MCTP1: variants seen among roughly 807,000 people sequenced by gnomAD.
MCTP1 encodes multiple C2 and transmembrane domain-containing protein 1.
A neutral mutation model predicts 120.6 loss-of-function variants in MCTP1; 69 were observed. That is an observed-to-expected ratio of 0.57 (90% CI 0.47 to 0.70). MCTP1 has a LOEUF of 0.70. MCTP1 is among the 30% of genes least tolerant of loss of function. The pLI, the probability that MCTP1 is intolerant of heterozygous loss-of-function variation, is 0.00. For synonymous variants in MCTP1, 529 were observed against 493.1 expected, an observed-to-expected ratio of 1.07 and a Z score of -0.96; for missense variants, 1,203 against 1,248.8, an observed-to-expected ratio of 0.96 and a Z score of 0.55.
intron 1 of MCTP1, among the ~76,000 whole-genome samples, chr5:95,130,374 C>G (rs960916939): frequency 2.0e-5 from 3 of 152,174 alleles, no homozygotes; most frequent in Admixed American, 2.0e-4. Context: ...TTCGTTTCCA[C>G]TGACAAGAGA....
chr5:94,850,976 G>C (rs1793570441), intron 17 of MCTP1, among the ~76,000 whole-genome samples: 1 of 152,018 alleles, frequency 6.6e-6, no homozygotes, highest in African/African-American at 2.4e-5. Context: ...TCAATATTTA[G>C]AGTAATTTAG....
chr5:95,228,617 C>T (rs939883150), intron 1 of MCTP1, among the ~76,000 whole-genome samples: 1 of 152,134 alleles, frequency 6.6e-6, no homozygotes, highest in African/African-American at 2.4e-5. Flanking sequence ...GGATCTGTGT[C>T]TTTCTCCACC....
intron 17 of MCTP1, among the ~76,000 whole-genome samples, chr5:94,819,114 T>C (rs1657532): frequency 0.031 from 1,619 of 52,150 alleles, 27 homozygotes; most frequent in East Asian, 0.13. Flanking sequence ...TTTATTTATT[T>C]ATTTATTCAT....
At chr5:94,800,167 C>A (rs1780914003) in intron 17 of MCTP1, among the ~76,000 whole-genome samples, 1 of 152,162 alleles carries the variant, frequency 6.6e-6, no homozygotes, top group African/African-American at 2.4e-5. Context: ...GCTTGGTGTG[C>A]AGTAATTTCG....
At chr5:95,149,028 C>T (rs943078150) in intron 1 of MCTP1, among the ~76,000 whole-genome samples, 3 of 152,216 alleles carry the variant, frequency 2.0e-5, no homozygotes, top group Non-Finnish European at 2.9e-5. Flanking sequence ...CAGATAGGCT[C>T]TCACTGAGCT....
chr5:94,910,702 A>G (rs144740081), intron 9 of MCTP1, among the ~76,000 whole-genome samples: 4 of 152,346 alleles, frequency 2.6e-5, no homozygotes, highest in African/African-American at 9.6e-5. Flanking sequence ...TAATGTTTTT[A>G]GCCTAACTAG....
At chr5:94,883,310 C>T (rs1800529068) in intron 12 of MCTP1, among the ~76,000 whole-genome samples, 1 of 152,070 alleles carries the variant, frequency 6.6e-6, no homozygotes, top group Non-Finnish European at 1.5e-5. Context: ...TCTCATGGTA[C>T]ACTATCTGCT....
intron 1 of MCTP1, among the ~76,000 whole-genome samples, chr5:95,028,685 C>T (rs1279735760): frequency 2.0e-5 from 3 of 152,206 alleles, no homozygotes; most frequent in African/African-American, 7.2e-5. Context: ...AGATGGACCA[C>T]TCTCTTTTTA....
At chr5:94,978,760 AC>A (rs1452428451) in intron 2 of MCTP1, among the ~76,000 whole-genome samples, 5 of 152,138 alleles carry the variant, frequency 3.3e-5, no homozygotes, top group Non-Finnish European at 7.4e-5. Context: ...CAAGATGAAT[AC>A]GTTTTTGAGA....
At chr5:95,103,888 A>G (rs1377067888) in intron 1 of MCTP1, among the ~76,000 whole-genome samples, 1 of 152,118 alleles carries the variant, frequency 6.6e-6, no homozygotes, top group Non-Finnish European at 1.5e-5. Context: ...GACGGGGAGA[A>G]GCAGGAGGGT....
intron 17 of MCTP1, among the ~76,000 whole-genome samples, chr5:94,821,848 A>AAAATCCAT (rs1785730413): frequency 6.6e-6 from 1 of 152,202 alleles, no homozygotes; most frequent in Non-Finnish European, 1.5e-5. Flanking sequence ...TTGATTGAAA[A>AAAATCCAT]AAATCCATAT....
intron 1 of MCTP1, among the ~76,000 whole-genome samples, chr5:95,017,948 TA>T (rs1053289890): frequency 6.6e-6 from 1 of 152,116 alleles, no homozygotes; most frequent in Non-Finnish European, 1.5e-5. Context: ...ACCTATGAAT[TA>T]AGCACTTCTG....
intron 1 of MCTP1, among the ~76,000 whole-genome samples, chr5:95,202,145 C>T (rs1429807503): frequency 6.6e-6 from 1 of 152,118 alleles, no homozygotes; most frequent in African/African-American, 2.4e-5. Context: ...CTGCAGCTGG[C>T]TCGGGGCTCA....
chr5:94,954,932 C>T (rs1425554352), intron 2 of MCTP1, among the ~76,000 whole-genome samples: 2 of 152,188 alleles, frequency 1.3e-5, no homozygotes, highest in Non-Finnish European at 2.9e-5. Flanking sequence ...ACCTCCTAAA[C>T]TCCCTATGAT....
At chr5:95,127,796 C>T (rs1475703493) in intron 1 of MCTP1, among the ~76,000 whole-genome samples, 1 of 152,090 alleles carries the variant, frequency 6.6e-6, no homozygotes, top group African/African-American at 2.4e-5. Context: ...TGAAAATAAC[C>T]CAGACTGGGC....
intron 17 of MCTP1, among the ~76,000 whole-genome samples, chr5:94,863,629 G>A (rs1032969199): frequency 6.6e-6 from 1 of 151,790 alleles, no homozygotes; most frequent in South Asian, 2.1e-4. Flanking sequence ...CCTTGATCAC[G>A]AAAGACACTT....
intron 1 of MCTP1, among the ~76,000 whole-genome samples, chr5:95,226,399 C>T (rs1327697516): frequency 1.3e-5 from 2 of 152,066 alleles, no homozygotes; most frequent in African/African-American, 2.4e-5. Flanking sequence ...CTAAGCAATA[C>T]CAAAGAATAC....
intron 17 of MCTP1, among the ~76,000 whole-genome samples, chr5:94,841,324 C>T (rs559742159): frequency 3.9e-5 from 6 of 152,180 alleles, no homozygotes; most frequent in Non-Finnish European, 7.4e-5. Context: ...TATGGTCAAT[C>T]ATGAAGATTG....
intron 2 of MCTP1, among the ~76,000 whole-genome samples, chr5:94,972,986 T>A (rs1474288860): frequency 6.6e-6 from 1 of 152,110 alleles, no homozygotes; most frequent in Non-Finnish European, 1.5e-5. Context: ...TTCTTGAGTA[T>A]CTACTGTGTG....
Sources: allele counts gnomAD v4.1 joint callset (sites outside exome capture counted in the v4.1 genomes callset), GRCh38; gene constraint gnomAD v4.1.1; transcripts MANE v1.5; gene names NCBI Gene and HGNC (gene_info 2026-07-23, HGNC 2026-07-21).